Variants in CD99 observed in about 807,000 individuals in gnomAD.
CD99 encodes the protein CD99 molecule (Xg blood group), also known as CD99 antigen.
A neutral mutation model predicts 28.4 loss-of-function variants in CD99; 19 were observed. The observed-to-expected ratio is 0.67, with a 90% CI of 0.47 to 0.98. CD99 has a LOEUF of 0.98. CD99 is among the 50% of genes least tolerant of loss of function. The probability of loss-of-function intolerance (pLI) is 0.00; values close to 1 mark genes in which losing one functional copy is unlikely to be tolerated. For synonymous variants in CD99, 103 were observed against 92.1 expected (o/e 1.12, Z -0.67); for missense variants, 283 against 248.8 (o/e 1.14, Z -0.92).
chrX:2,730,950 A>G, intron 8 of CD99, among the ~76,000 whole-genome samples: 1 of 146,182 alleles, frequency 6.8e-6, no homozygotes, highest in African/African-American at 2.5e-5. Flanking sequence ...AAAAAAAAAG[A>G]GAAAGAAAAC....
chrX:2,694,418 G>A (rs374797966), intron 1 of CD99, among the ~76,000 whole-genome samples: 12 of 151,946 alleles, frequency 7.9e-5, no homozygotes, highest in African/African-American at 2.7e-4. Flanking sequence ...TTCCATCAGC[G>A]CGTTTGGCTC....
At chrX:2,727,320 G>A (rs1452724303) in intron 8 of CD99, 2 of 779,338 alleles carry the variant, frequency 2.6e-6, no homozygotes, top group Non-Finnish European at 4.8e-6. Flanking sequence ...TTGGGACCTT[G>A]TATTGGGATC....
At chrX:2,739,268 T>G (rs1178805897) in intron 9 of CD99, among the ~76,000 whole-genome samples, 1 of 152,118 alleles carries the variant, frequency 6.6e-6, no homozygotes, top group Non-Finnish European at 1.5e-5. Flanking sequence ...GCAGGCATTT[T>G]GCCATCAGAA....
At chrX:2,711,124 G>T (rs2048381886) in intron 1 of CD99, among the ~76,000 whole-genome samples, 1 of 150,074 alleles carries the variant, frequency 6.7e-6, no homozygotes, top group Non-Finnish European at 1.5e-5. Context: ...TCTCACCTTG[G>T]CCTCCCAAAG....
chrX:2,733,403 G>T, intron 8 of CD99: 1 of 1,586,446 alleles, frequency 6.3e-7, no homozygotes, highest in East Asian at 2.3e-5. Flanking sequence ...CCAGGCCTGC[G>T]GAGCGTCCTG....
chrX:2,733,266 G>T, intron 8 of CD99: 1 of 1,352,552 alleles, frequency 7.4e-7, no homozygotes, highest in Non-Finnish European at 1.0e-6. Flanking sequence ...CCTCCCTGCT[G>T]CTGGGAGCCC....
chrX:2,706,183 C>T (rs191985390), intron 1 of CD99, among the ~76,000 whole-genome samples: 5,829 of 151,954 alleles, frequency 0.038, 127 homozygotes, highest in African/African-American at 0.054. Flanking sequence ...CACGGTGAAA[C>T]CCAGTCTCTA....
At chrX:2,716,199 A>G (rs1041149435) in intron 2 of CD99, among the ~76,000 whole-genome samples, 12 of 151,998 alleles carry the variant, frequency 7.9e-5, no homozygotes, top group Admixed American at 7.9e-4. Flanking sequence ...TTGTATTTTC[A>G]GTACAGACGG....
chrX:2,727,326 G>T (rs755897365), intron 8 of CD99: 2 of 779,242 alleles, frequency 2.6e-6, no homozygotes, highest in South Asian at 1.3e-5. Flanking sequence ...CCTTGTATTG[G>T]GATCCGCCGT....
intron 1 of CD99, among the ~76,000 whole-genome samples, chrX:2,697,167 G>A (rs1435086292): frequency 1.3e-5 from 2 of 152,148 alleles, no homozygotes; most frequent in East Asian, 1.9e-4. Flanking sequence ...GGTGGGCTGG[G>A]CTGAGATATA....
chrX:2,735,885 G>T (rs1273747375), intron 8 of CD99, among the ~76,000 whole-genome samples: 1 of 152,098 alleles, frequency 6.6e-6, no homozygotes, highest in African/African-American at 2.4e-5. Context: ...AACTGGCGAG[G>T]CTGTCTCTGC....
intron 3 of CD99, chrX:2,719,302 G>A (rs2048884336): frequency 7.4e-6 from 2 of 271,772 alleles, no homozygotes; most frequent in South Asian, 6.3e-5. Context: ...GGGATGGGGA[G>A]TCAACAGGAG....
chrX:2,731,016 C>T (rs311087), intron 8 of CD99, among the ~76,000 whole-genome samples: 19,987 of 151,812 alleles, frequency 0.13, 3,694 homozygotes, highest in African/African-American at 0.4. Flanking sequence ...GAGGACCTTT[C>T]CAACTGCATC....
intron 1 of CD99, among the ~76,000 whole-genome samples, chrX:2,712,190 C>A (rs2048439504): frequency 6.6e-6 from 1 of 151,680 alleles, no homozygotes; most frequent in African/African-American, 2.4e-5. Flanking sequence ...CTCACAGAAG[C>A]AGAGTGGAAT....
chrX:2,691,553 G>T, intron 1 of CD99, 126 bp downstream of exon 1: 1 of 1,081,484 alleles, frequency 9.2e-7, no homozygotes, highest in Non-Finnish European at 1.4e-6. Flanking sequence ...TGCCCGGCAG[G>T]ACGCGCTGTG....
At chrX:2,718,484 T>C (rs2048845835) in intron 3 of CD99, among the ~76,000 whole-genome samples, 1 of 151,820 alleles carries the variant, frequency 6.6e-6, no homozygotes, top group Non-Finnish European at 1.5e-5. Flanking sequence ...TTCTTCTGCC[T>C]CAGCCTCCCA....
At chrX:2,691,929 T>C (rs1209718976) in intron 1 of CD99, 1 of 777,904 alleles carries the variant, frequency 1.3e-6, no homozygotes, top group African/African-American at 1.7e-5. Context: ...AAGGAAAAGT[T>C]AGAAAAAAAC....
chrX:2,693,312 T>C (rs762111523), intron 1 of CD99, among the ~76,000 whole-genome samples: 8 of 150,714 alleles, frequency 5.3e-5, no homozygotes, highest in African/African-American at 1.7e-4. Context: ...CTGCTGATGC[T>C]TTGAGTAAAG....
rs1339940026 is a variant in CD99 at position 2,741,171 on chromosome X, A to T, written c.*367A>T. 14 of 283,932 alleles carry T rather than the reference A, an allele frequency of 4.9e-5. No homozygotes were observed. Among genetic ancestry groups the T allele is most frequent in the Non-Finnish European group, 9.1e-5 (14 of 153,228 alleles). 17.6% of individuals were successfully genotyped at this position (283,932 alleles called of 1,614,324 possible). A position where few individuals can be genotyped will look rare whatever the true frequency, so the allele number is the denominator to read the frequency against. ...TTTACAAATCACGTGTCCATCGAGC[A>T]CGTCTGAAACCCCTGGTAGCCCCGA... On this transcript the variant is annotated 3_prime_UTR_variant, in exon 10 of 10. Transcript: ENST00000381192.
Sources: allele counts gnomAD v4.1 joint callset (sites outside exome capture counted in the v4.1 genomes callset), GRCh38; gene constraint gnomAD v4.1.1; transcripts MANE v1.5; gene names NCBI Gene and HGNC (gene_info 2026-07-23, HGNC 2026-07-21).